Variants in CYP7B1 observed in about 807,000 individuals in gnomAD.
The protein encoded by CYP7B1 is cytochrome P450 family 7 subfamily B member 1.
In CYP7B1, 29 loss-of-function variants were observed where a neutral mutation model predicts 42.7. The ratio of observed to expected loss-of-function variants is 0.68; its 90% confidence interval spans 0.51 to 0.93. CYP7B1 has a LOEUF of 0.93. Among genes scored for constraint, CYP7B1 ranks in the 40% least tolerant of loss-of-function variants. CYP7B1 has a pLI of 0.00. For synonymous variants in CYP7B1, 235 were observed against 218.2 expected, an observed-to-expected ratio of 1.08 and a Z score of -0.68; for missense variants, 655 against 600.5, an observed-to-expected ratio of 1.09 and a Z score of -0.95.
chr8:64,679,528 A>G (rs1806504701), intron 1 of CYP7B1, among the ~76,000 whole-genome samples: 1 of 152,226 alleles, frequency 6.6e-6, no homozygotes, highest in Non-Finnish European at 1.5e-5. Flanking sequence ...TATTTTTTAA[A>G]CAAATTATTA....
chr8:64,742,382 T>C (rs1441579016), intron 1 of CYP7B1, among the ~76,000 whole-genome samples: 1 of 152,118 alleles, frequency 6.6e-6, no homozygotes, highest in Non-Finnish European at 1.5e-5. Context: ...GAAACAGTAG[T>C]GGTAGAGAAA....
At chr8:64,727,999 T>C (rs2129633005) in intron 1 of CYP7B1, 1 of 152,378 alleles carries the variant, frequency 6.6e-6, no homozygotes, top group Non-Finnish European at 1.5e-5. Context: ...AATGGAGAAG[T>C]TATGCTTGCC....
Position 64,596,900 on chromosome 8 carries a change from A to G in CYP7B1, c.1263T>C (p.Asp421=), listed in dbSNP as rs181578063. The stretch of plus-strand genomic sequence containing the variant: ...TGAAAAAGGTGGTTTTCTTCTTACC[A>G]TCTTCTATAAAACGATCATATCTAA... ...EEFRYDRFIE[D]GKKKTTFFKR... The change falls in exon 6 of 6, where the codon GAT becomes GAC. Residue 421 remains aspartate, a synonymous_variant. Transcript: ENST00000310193. 2.1e-5 allele frequency: 34 copies of G among 1,612,668 alleles called. No homozygotes were observed. The East Asian group carries it at 3.1e-4, about 15-fold the overall frequency.
chr8:64,630,901 A>G (rs1226093095), intron 1 of CYP7B1, among the ~76,000 whole-genome samples: 3 of 152,222 alleles, frequency 2.0e-5, no homozygotes, highest in African/African-American at 7.2e-5. Context: ...AAAGAAGAAA[A>G]GAAGTGGCAG....
At chr8:64,649,678 A>C (rs1055298602) in intron 1 of CYP7B1, among the ~76,000 whole-genome samples, 5 of 152,220 alleles carry the variant, frequency 3.3e-5, no homozygotes, top group Non-Finnish European at 2.9e-5. Flanking sequence ...TCACACCAGT[A>C]ATGTGCAAGG....
chr8:64,707,901 A>G (rs562431424), intron 1 of CYP7B1, among the ~76,000 whole-genome samples: 36 of 152,182 alleles, frequency 2.4e-4, no homozygotes, highest in Non-Finnish European at 4.9e-4. Context: ...ACACTGGCAT[A>G]TGATGGGCAG....
chr8:64,695,603 CTTTTTTTTTTTT>C (rs35575527), intron 1 of CYP7B1, among the ~76,000 whole-genome samples: 2 of 100,176 alleles, frequency 2.0e-5, no homozygotes, highest in African/African-American at 3.6e-5. Flanking sequence ...TATCAAATTC[CTTTTTTTTTTTT>C]TTTTTTTTTT....
chr8:64,649,473 G>T (rs952848036), intron 1 of CYP7B1, among the ~76,000 whole-genome samples: 3 of 152,078 alleles, frequency 2.0e-5, no homozygotes, highest in Admixed American at 6.6e-5. Context: ...TGGACATCTG[G>T]GTTACCTCCA....
intron 3 of CYP7B1, 38 bp from the exon 4 acceptor site, chr8:64,615,270 T>C: frequency 6.4e-7 from 1 of 1,566,612 alleles, no homozygotes; most frequent in Non-Finnish European, 8.7e-7. Context: ...TTAATAGCGT[T>C]TATTACACTG....
At chr8:64,706,559 G>A (rs1807002133) in intron 1 of CYP7B1, among the ~76,000 whole-genome samples, 1 of 151,980 alleles carries the variant, frequency 6.6e-6, no homozygotes, top group African/African-American at 2.4e-5. Flanking sequence ...GTTGCAGCAA[G>A]AAATCCTGGT....
In CYP7B1 at chr8:64,641,042, T is replaced by C. The variant is rs142979598; in HGVS notation, c.123-16503A>G. On this transcript the variant is annotated intron_variant, in intron 1 of 5. Transcript: ENST00000310193. ...CTTAGCTTGAAAGGGAGTTTGGCACTTAGCCATTGTGATTCATAAACTATA... is the reference window on the plus strand; with the variant it reads ...CTTAGCTTGAAAGGGAGTTTGGCACCTAGCCATTGTGATTCATAAACTATA... Among the ~76,000 whole-genome samples, 330 of 152,320 alleles carry C rather than the reference T, an allele frequency of 2.2e-3. 1 individual carries two copies. Among genetic ancestry groups the C allele is most frequent in the African/African-American group, 7.4e-3 (308 of 41,590 alleles).
intron 1 of CYP7B1, among the ~76,000 whole-genome samples, chr8:64,676,241 C>T (rs746217979): frequency 1.3e-5 from 2 of 152,026 alleles, no homozygotes; most frequent in African/African-American, 2.4e-5. Context: ...ATTTTAGGCA[C>T]TAAGAATATA....
At chr8:64,587,035 C>G (rs949331758), downstream of CYP7B1, among the ~76,000 whole-genome samples, 1 of 152,222 alleles carries the variant, frequency 6.6e-6, no homozygotes, top group Non-Finnish European at 1.5e-5. Context: ...ATCTCTGGCT[C>G]TTCTGATCGA....
chr8:64,618,418 T>A (rs1403436371), intron 2 of CYP7B1, among the ~76,000 whole-genome samples: 1 of 152,130 alleles, frequency 6.6e-6, no homozygotes, highest in African/African-American at 2.4e-5. Flanking sequence ...TTTCCTACAA[T>A]TTTCTATATT....
chr8:64,754,877 A>G (rs1807784149), intron 1 of CYP7B1, among the ~76,000 whole-genome samples: 2 of 152,210 alleles, frequency 1.3e-5, no homozygotes, highest in African/African-American at 2.4e-5. Context: ...CTATATTTCT[A>G]TAGGGAATTT....
At chr8:64,687,760 C>T (rs765710807) in intron 1 of CYP7B1, among the ~76,000 whole-genome samples, 5 of 152,082 alleles carry the variant, frequency 3.3e-5, no homozygotes, top group African/African-American at 4.8e-5. Flanking sequence ...AGAGTTTCTC[C>T]GAGTATTTTT....
chr8:64,701,965 G>A (rs867086640), intron 1 of CYP7B1, among the ~76,000 whole-genome samples: 1 of 151,956 alleles, frequency 6.6e-6, no homozygotes, highest in South Asian at 2.1e-4. Context: ...GAAATTACAG[G>A]CTGCATGGGA....
chr8:64,766,544 T>A (rs1807976043), intron 1 of CYP7B1, among the ~76,000 whole-genome samples: 1 of 149,804 alleles, frequency 6.7e-6, no homozygotes, highest in African/African-American at 2.5e-5. Flanking sequence ...ACTGCTTTAG[T>A]CATGGCCTTC....
chr8:64,703,074 G>A (rs947326173), intron 1 of CYP7B1, among the ~76,000 whole-genome samples: 5 of 151,836 alleles, frequency 3.3e-5, no homozygotes, highest in African/African-American at 1.2e-4. Context: ...AAATTTATGA[G>A]TGACAAACCC....
Sources: gnomAD v4.1 joint callset for allele counts (sites outside exome capture counted in the v4.1 genomes callset) on GRCh38, gnomAD v4.1.1 for gene constraint, MANE v1.5 for transcripts, NCBI Gene and HGNC (gene_info 2026-07-23, HGNC 2026-07-21) for gene names.